NOMO1: variants seen among roughly 807,000 people sequenced by gnomAD.
NOMO1 encodes NODAL modulator 1, also known as nodal modulator 3.
In NOMO1, 40 loss-of-function variants were observed where a neutral mutation model predicts 133.8. That is an observed-to-expected ratio of 0.30 (90% CI 0.23 to 0.39). NOMO1 has a LOEUF of 0.39. Ranked by LOEUF, NOMO1 falls within the 10% of genes least tolerant of loss-of-function variation. The pLI, the probability that NOMO1 is intolerant of heterozygous loss-of-function variation, is 1.00. For missense variants in NOMO1, 462 were observed against 1,419.9 expected, an observed-to-expected ratio of 0.33 and a Z score of 10.84; for synonymous variants, 236 against 570.5, an observed-to-expected ratio of 0.41 and a Z score of 8.36.
chr16:14,867,176 A>ATTTTTTTTTTTTTTTTTTT (rs1174703237), intron 15 of NOMO1, among the ~76,000 whole-genome samples: 1 of 7,476 alleles, frequency 1.3e-4, no homozygotes, highest in Admixed American at 3.8e-3. Context: ...ATATATATAT[A>ATTTTTTTTTTTTTTTTTTT]TTTTTTTTTT....
chr16:14,842,508 C>T (rs1175463589), intron 3 of NOMO1, among the ~76,000 whole-genome samples: 1 of 151,034 alleles, frequency 6.6e-6, no homozygotes, highest in African/African-American at 2.4e-5. Context: ...GTGTTTGCCA[C>T]CCCCCACCCT....
chr16:14,867,163 TATATATATATA>T (rs1241890104), intron 15 of NOMO1, among the ~76,000 whole-genome samples: 23 of 23,138 alleles, frequency 9.9e-4, no homozygotes, highest in African/African-American at 2.3e-3. Context: ...TATATATATA[TATATATATATA>T]TATTTTTTTT....
chr16:14,893,237 C>T (rs962453397), intron 29 of NOMO1, among the ~76,000 whole-genome samples: 2 of 151,650 alleles, frequency 1.3e-5, no homozygotes, highest in South Asian at 2.1e-4. Context: ...GCTTTGTTGC[C>T]CCTGCTGGAG....
chr16:14,875,152 A>C lies in NOMO1; in HGVS notation c.2171A>C (p.Asn724Thr), dbSNP rs1567545523. ...IEARRQEREK[N>T]GNEEGEERMT... is the part of the protein sequence containing the mutation. ...GCCCGCAGGCAGGAGAGGGAGAAAA[A>C]CGGCAATGAGGAAGGCGAAGAAAGA... The change falls in exon 19 of 31, where the codon AAC becomes ACC. Residue 724 changes from asparagine to threonine, a missense_variant. Transcript: ENST00000287667. The C allele has an allele frequency of 6.2e-7, 1 of 1,613,666 alleles. No individual in the cohort carries two copies. Among genetic ancestry groups the C allele is most frequent in the Non-Finnish European group, 8.5e-7 (1 of 1,179,864 alleles).
intron 29 of NOMO1, among the ~76,000 whole-genome samples, chr16:14,894,733 T>C (rs1477030450): frequency 6.6e-6 from 1 of 151,414 alleles, no homozygotes; most frequent in Non-Finnish European, 1.5e-5. Flanking sequence ...GTCCAGAGGC[T>C]GAGGAATGCC....
chr16:14,867,176 ATTTTTTTTTTTTT>A (rs1174703237), intron 15 of NOMO1, among the ~76,000 whole-genome samples: 2 of 7,476 alleles, frequency 2.7e-4, no homozygotes, highest in African/African-American at 5.4e-4. Context: ...ATATATATAT[ATTTTTTTTTTTTT>A]TTTTTTTTTT....
chr16:14,875,090 G>A lies in NOMO1; in HGVS notation c.2109G>A (p.Gln703=), dbSNP rs1343218639. The part of the protein sequence containing the change: ...ALVLGPLKSV[Q]ELRREQQLAE... ...TCTTAGGCCCTCTGAAGTCTGTGCA[G>A]GAGCTGCGGAGGGAGCAGCAGCTGG... Residue 703 remains glutamine, a synonymous_variant, in exon 19 of 31, where the codon CAG becomes CAA. Transcript: ENST00000287667. The A allele has an allele frequency of 1.2e-6, 2 of 1,613,796 alleles. No individual in the cohort carries two copies. Among genetic ancestry groups the A allele is most frequent in the African/African-American group, 2.7e-5 (2 of 74,940 alleles).
intron 18 of NOMO1, among the ~76,000 whole-genome samples, chr16:14,874,628 G>A (rs551039202): frequency 2.6e-5 from 4 of 152,034 alleles, no homozygotes; most frequent in East Asian, 1.9e-4. Flanking sequence ...CCATTGAAAC[G>A]TGGATTCCAC....
At chr16:14,893,644 A>G (rs1964437679) in intron 29 of NOMO1, among the ~76,000 whole-genome samples, 1 of 151,468 alleles carries the variant, frequency 6.6e-6, no homozygotes, top group Non-Finnish European at 1.5e-5. Flanking sequence ...CGGCGCCCAC[A>G]GTCACTCTCT....
intron 5 of NOMO1, chr16:14,848,540 CT>C: frequency 2.9e-6 from 1 of 341,386 alleles, no homozygotes; most frequent in Non-Finnish European, 5.7e-6. Flanking sequence ...TCCCCTTCTC[CT>C]TGTCAGTTCA....
At chr16:14,884,534 C>T (rs1964294017) in intron 27 of NOMO1, 52 bp downstream of exon 27, 18 of 1,610,088 alleles carry the variant, frequency 1.1e-5, no homozygotes, top group Non-Finnish European at 1.4e-5. Flanking sequence ...GGCTTTGAGA[C>T]AAGTACGAAT....
intron 11 of NOMO1, among the ~76,000 whole-genome samples, chr16:14,860,329 T>C (rs1963904771): frequency 6.6e-6 from 1 of 150,790 alleles, no homozygotes; most frequent in South Asian, 2.1e-4. Flanking sequence ...GATTGCACCA[T>C]TGCACTCCAG....
At chr16:14,838,871 T>G (rs2151891691) in intron 2 of NOMO1, among the ~76,000 whole-genome samples, 1 of 151,098 alleles carries the variant, frequency 6.6e-6, no homozygotes, top group Non-Finnish European at 1.5e-5. Flanking sequence ...AACCCGTTAC[T>G]TGCAAGCAGC....
intron 15 of NOMO1, among the ~76,000 whole-genome samples, chr16:14,867,167 TATATA>T (rs1475880973): frequency 6.5e-4 from 14 of 21,376 alleles, no homozygotes; most frequent in African/African-American, 1.7e-3. Flanking sequence ...TATATATATA[TATATA>T]TATATTTTTT....
chr16:14,862,415 T>C (rs976755840), intron 11 of NOMO1: 26 of 155,864 alleles, frequency 1.7e-4, no homozygotes, highest in African/African-American at 6.0e-4. Context: ...TTTTCAGTTA[T>C]AAGTTACATT....
At chr16:14,847,925 A>G (rs1356389848) in intron 5 of NOMO1, among the ~76,000 whole-genome samples, 1 of 151,822 alleles carries the variant, frequency 6.6e-6, no homozygotes, top group East Asian at 1.9e-4. Flanking sequence ...TTTCTGGGCT[A>G]GTAATTTGGT....
chr16:14,866,596 C>T lies in NOMO1; in HGVS notation c.1711C>T (p.Leu571=), dbSNP rs750559800. Residue 571 remains leucine, a synonymous_variant, in exon 15 of 31, where the codon CTG becomes TTG. Transcript: ENST00000287667. ...GGATTGGTGCTGGAAGAACAAGAGCCTGGAGGTGGAAGTGCTGGAGGATGA... is the reference window on the plus strand; with the variant it reads ...GGATTGGTGCTGGAAGAACAAGAGCTTGGAGGTGGAAGTGCTGGAGGATGA... The part of the protein sequence containing the change: ...HEDWCWKNKS[L]EVEVLEDDMS... 1.2e-6 allele frequency: 2 copies of T among 1,609,972 alleles called. No individual in the cohort carries two copies. Among genetic ancestry groups the T allele is most frequent in the African/African-American group, 1.4e-5 (1 of 73,652 alleles).
chr16:14,876,561 G>A, intron 21 of NOMO1, 43 bp downstream of exon 21: 1 of 1,611,494 alleles, frequency 6.2e-7, no homozygotes, highest in Non-Finnish European at 8.5e-7. Flanking sequence ...ATCAGCGTGG[G>A]AGTCCTCTGA....
chr16:14,880,058 G>A lies in NOMO1; in HGVS notation c.2801G>A (p.Arg934Gln), dbSNP rs377717037. 12 of 1,610,960 alleles carry A rather than the reference G, an allele frequency of 7.4e-6. No individual in the cohort carries two copies. Among genetic ancestry groups the A allele is most frequent in the African/African-American group, 4.0e-5 (3 of 74,372 alleles). ...TTCAAACCCATGATGAAGGAGTTCC[G>A]GTTTGAGCCATCCTCACAGATGATC... ...YYFKPMMKEF[R>Q]FEPSSQMIEV... The change falls in exon 24 of 31, where the codon CGG becomes CAG. Residue 934 changes from arginine to glutamine, a missense_variant. Physicochemically the swap from Arg to Gln is conservative, Grantham distance 43. Coordinates refer to ENST00000287667, the MANE Select transcript of NOMO1 (RefSeq NM_014287.4).
Sources: allele counts gnomAD v4.1 joint callset (sites outside exome capture counted in the v4.1 genomes callset), GRCh38; gene constraint gnomAD v4.1.1; transcripts MANE v1.5; gene names NCBI Gene and HGNC (gene_info 2026-07-23, HGNC 2026-07-21).